CFAP69: variants seen among roughly 807,000 people sequenced by gnomAD.
The protein encoded by CFAP69 is cilia- and flagella-associated protein 69.
Under a neutral mutation model 123.0 loss-of-function variants are expected in CFAP69, and 92 were observed. The observed-to-expected ratio is 0.75, with a 90% CI of 0.63 to 0.89. The LOEUF (loss-of-function observed/expected upper bound fraction) is 0.89. Ranked by LOEUF, CFAP69 falls within the 40% of genes least tolerant of loss-of-function variation. CFAP69 has a pLI of 0.00. For missense variants in CFAP69, 1,067 were observed against 1,096.9 expected (o/e 0.97, Z 0.39); for synonymous variants, 380 against 364.3 (o/e 1.04, Z -0.49).
At position 90,245,458 on chromosome 7, in the gene CFAP69, G is replaced by C; in HGVS notation, c.34G>C (p.Ala12Pro). The change falls in exon 1 of 23, where the codon GCC becomes CCC. Residue 12 changes from alanine to proline, a missense_variant. Transcript: ENST00000389297. ...AGAGGAAGCCGGGGCGACCGCCGAG[G>C]CCCAGGAATCCGGCATCAGGAACAA... ...WTEEAGATAE[A>P]QESGIRNKSS... 1 of 1,557,546 alleles carries C rather than the reference G, an allele frequency of 6.4e-7. No homozygotes were observed. Among genetic ancestry groups the C allele is most frequent in the Non-Finnish European group, 8.7e-7 (1 of 1,154,754 alleles).
At chr7:90,318,959 T>A in the CFAP69 span, 1 of 156,136 alleles carries the variant, frequency 6.4e-6, no homozygotes, top group South Asian at 2.1e-4. Flanking sequence ...ATATGACTCT[T>A]AAATTTCCTG....
chr7:90,290,175 A>C (rs1429582192), intron 15 of CFAP69, among the ~76,000 whole-genome samples: 5 of 152,160 alleles, frequency 3.3e-5, no homozygotes, highest in African/African-American at 1.2e-4. Flanking sequence ...AGAGATTGAG[A>C]TTTATCATAA....
chr7:90,302,518 C>A lies in CFAP69; in HGVS notation c.2051-1451C>A, dbSNP rs533444193. The A allele has an allele frequency of 1.3e-4, 20 of 152,246 alleles. No homozygotes were observed. In the South Asian group the frequency reaches 3.9e-3, roughly 30 times the overall value. 9.4% of individuals were successfully genotyped at this position (152,246 alleles called of 1,614,324 possible). On this transcript the variant is annotated intron_variant, in intron 17 of 22. Transcript: ENST00000389297. ...TTTGTATATGGTATAAGGAAGAGGT[C>A]CAGTTTCAATTTTCTGCATATGGCT...
At chr7:90,272,189 TG>T in intron 8 of CFAP69, 1 of 367,410 alleles carries the variant, frequency 2.7e-6, no homozygotes, top group East Asian at 4.2e-5. Flanking sequence ...AAATATAACT[TG>T]GAATATAGAT....
chr7:90,294,592 T>C (rs1791657828), intron 15 of CFAP69, among the ~76,000 whole-genome samples: 1 of 152,138 alleles, frequency 6.6e-6, no homozygotes, highest in South Asian at 2.1e-4. Flanking sequence ...AAGGTCAAGC[T>C]CCCAAGGACA....
At chr7:90,251,213 T>C (rs975984321) in intron 1 of CFAP69, among the ~76,000 whole-genome samples, 1 of 152,178 alleles carries the variant, frequency 6.6e-6, no homozygotes, top group Non-Finnish European at 1.5e-5. Flanking sequence ...CTATCACTTT[T>C]TGGCAGAGAC....
chr7:90,255,630 T>A (rs1424306333), intron 2 of CFAP69, 148 bp downstream of exon 2: 2 of 589,614 alleles, frequency 3.4e-6, no homozygotes, highest in Non-Finnish European at 5.9e-6. Context: ...ATTCAAGGAC[T>A]ATTTAAATTT....
chr7:90,303,588 A>T lies in CFAP69; in HGVS notation c.2051-381A>T, dbSNP rs1166349449. On this transcript the variant is annotated intron_variant, in intron 17 of 22. Transcript: ENST00000389297. ...GTTTTGACCTATAGCATCATAAAAT[A>T]GTTTTTATATTTATAGCATAATATA... 8.4e-6 allele frequency: 8 copies of T among 951,548 alleles called. No homozygotes were observed. In the East Asian group the frequency reaches 5.7e-4, roughly 68 times the overall value. 58.9% of individuals were successfully genotyped at this position (951,548 alleles called of 1,614,324 possible). A position where few individuals can be genotyped will look rare whatever the true frequency, so the allele number is the denominator to read the frequency against.
At position 90,254,607 on chromosome 7, in the gene CFAP69, G is replaced by C. The variant is rs571900481; in HGVS notation, c.121-816G>C. 3.3e-5 allele frequency among the ~76,000 whole-genome samples: 5 copies of C among 152,244 alleles called. No individual in the cohort carries two copies. The East Asian group carries it at 9.6e-4, about 29-fold the overall frequency. Reference sequence around the variant, plus strand: ...TGGATATAAACTTAGGGTGCTATGAGAGCACGGCATTTTTCTAGCCTTTTT... The same window carrying C: ...TGGATATAAACTTAGGGTGCTATGACAGCACGGCATTTTTCTAGCCTTTTT... On this transcript the variant is annotated intron_variant, in intron 1 of 22. Coordinates refer to ENST00000389297, the MANE Select transcript of CFAP69 (RefSeq NM_001039706.3).
chr7:90,315,602 T>C (rs182462025), downstream of CFAP69, among the ~76,000 whole-genome samples: 35 of 152,066 alleles, frequency 2.3e-4, 1 homozygote, highest in Admixed American at 2.1e-3. Flanking sequence ...GCCTACTTGA[T>C]TGGTGGAGAG....
rs1039716315 is a variant in CFAP69, at chr7:90,257,515, T to G, written c.181-583T>G. On this transcript the variant is annotated intron_variant, in intron 2 of 22. Coordinates refer to ENST00000389297, the MANE Select transcript of CFAP69 (RefSeq NM_001039706.3). The stretch of plus-strand genomic sequence containing the variant: ...GTTGTTGACTTTAGTCACCCTACTT[T>G]GCTAACAAATATTCACTAACACAGT... 4.6e-5 allele frequency among the ~76,000 whole-genome samples: 7 copies of G among 152,182 alleles called. No homozygotes were observed. In the East Asian group the frequency reaches 9.6e-4, roughly 21 times the overall value.
intron 19 of CFAP69, among the ~76,000 whole-genome samples, 176 bp from the exon 20 acceptor site, chr7:90,306,725 A>G (rs1369631490): frequency 6.6e-6 from 1 of 152,222 alleles, no homozygotes; most frequent in African/African-American, 2.4e-5. Context: ...ATTCCTACTG[A>G]GTACTCAAAT....
At chr7:90,280,899 A>G (rs980434850) in intron 12 of CFAP69, among the ~76,000 whole-genome samples, 1 of 152,198 alleles carries the variant, frequency 6.6e-6, no homozygotes, top group African/African-American at 2.4e-5. Context: ...TTTATTCTCT[A>G]GTTTCTAATA....
At chr7:90,264,570 G>C (rs1265705378) in intron 4 of CFAP69, among the ~76,000 whole-genome samples, 3 of 152,022 alleles carry the variant, frequency 2.0e-5, no homozygotes, top group African/African-American at 7.2e-5. Context: ...GGTGAGCTTA[G>C]ATCTATGGTT....
intron 5 of CFAP69, among the ~76,000 whole-genome samples, chr7:90,267,678 C>A (rs1248697439): frequency 6.6e-6 from 1 of 152,186 alleles, no homozygotes. Context: ...CTCTTCCAGT[C>A]TGCCAACAAA....
intron 17 of CFAP69, chr7:90,302,582 ATTTCCCCATTGCTTG>A (rs564418417): frequency 1.2e-4 from 19 of 152,190 alleles, no homozygotes; most frequent in Non-Finnish European, 2.2e-4. Flanking sequence ...ATAGGGAGTT[ATTTCCCCATTGCTTG>A]TTTCTGTCAG....
chr7:90,260,146 ATTC>A (rs1032645942), intron 3 of CFAP69, among the ~76,000 whole-genome samples: 29 of 152,152 alleles, frequency 1.9e-4, no homozygotes, highest in Admixed American at 7.2e-4. Flanking sequence ...ACCCAAGACA[ATTC>A]TTCTTCTTCC....
intron 1 of CFAP69, among the ~76,000 whole-genome samples, chr7:90,253,463 T>C (rs1317848925): frequency 6.6e-6 from 1 of 152,234 alleles, no homozygotes; most frequent in African/African-American, 2.4e-5. Context: ...TGATCTCGAA[T>C]CACTGCAACC....
intron 9 of CFAP69, among the ~76,000 whole-genome samples, chr7:90,275,650 G>C (rs900748317): frequency 1.7e-5 from 2 of 119,222 alleles, no homozygotes; most frequent in Non-Finnish European, 3.2e-5. Context: ...CGCCCAGGCC[G>C]GAGTGCAGTG....
Sources: gnomAD v4.1 joint callset for allele counts (sites outside exome capture counted in the v4.1 genomes callset) on GRCh38, gnomAD v4.1.1 for gene constraint, MANE v1.5 for transcripts, NCBI Gene and HGNC (gene_info 2026-07-23, HGNC 2026-07-21) for gene names.